FNDC3B: variants seen among roughly 807,000 people sequenced by gnomAD.
The protein encoded by FNDC3B is fibronectin type III domain containing 3B, also known as fibronectin type III domain-containing protein 3B.
A neutral mutation model predicts 151.5 loss-of-function variants in FNDC3B; 12 were observed. The observed-to-expected ratio is 0.08, with a 90% confidence interval of 0.05 to 0.13. FNDC3B has a LOEUF of 0.13. Among genes scored for constraint, FNDC3B ranks in the 10% least tolerant of loss-of-function variants. The pLI, the probability that FNDC3B is intolerant of heterozygous loss-of-function variation, is 1.00. For missense variants in FNDC3B, 1,214 were observed against 1,505.3 expected (o/e 0.81, Z 3.20); for synonymous variants, 528 against 549.0 (o/e 0.96, Z 0.54).
intron 1 of FNDC3B, among the ~76,000 whole-genome samples, chr3:172,048,777 A>G (rs2108455147): frequency 6.6e-6 from 1 of 152,354 alleles, no homozygotes; most frequent in Admixed American, 6.5e-5. Flanking sequence ...TTATTCAGCC[A>G]TAAAAAAGAA....
intron 25 of FNDC3B, among the ~76,000 whole-genome samples, chr3:172,392,801 TTTTTTTTTC>T (rs1345137060): frequency 3.9e-4 from 22 of 55,740 alleles, no homozygotes; most frequent in East Asian, 1.3e-3. Context: ...ATTTTTTCTT[TTTTTTTTTC>T]TTTTTTTTTT....
At chr3:172,331,174 A>AAC (rs759940808) in intron 13 of FNDC3B, among the ~76,000 whole-genome samples, 1 of 152,130 alleles carries the variant, frequency 6.6e-6, no homozygotes, top group Non-Finnish European at 1.5e-5. Flanking sequence ...ATCTTGTAAA[A>AAC]TACAAATAGA....
intron 20 of FNDC3B, among the ~76,000 whole-genome samples, chr3:172,346,706 A>G (rs1388477595): frequency 2.6e-5 from 4 of 151,766 alleles, no homozygotes; most frequent in Non-Finnish European, 4.4e-5. Context: ...TATTTTACTT[A>G]TTTTATTTTT....
At chr3:172,127,954 G>A (rs959270604) in intron 2 of FNDC3B, among the ~76,000 whole-genome samples, 1 of 152,172 alleles carries the variant, frequency 6.6e-6, no homozygotes, top group Admixed American at 6.5e-5. Context: ...CACCACACCC[G>A]GCCGAGGATA....
chr3:172,045,891 TA>T (rs1410867074), intron 1 of FNDC3B, among the ~76,000 whole-genome samples: 3 of 151,944 alleles, frequency 2.0e-5, no homozygotes, highest in African/African-American at 7.3e-5. Flanking sequence ...TGTGGCTAGA[TA>T]GGGGCAGGTA....
chr3:172,304,742 C>T lies in FNDC3B; in HGVS notation c.1062-2621C>T, dbSNP rs565130386. 3.4e-3 allele frequency among the ~76,000 whole-genome samples: 512 copies of T among 152,196 alleles called. 1 individual carries two copies. Among genetic ancestry groups the T allele is most frequent in the African/African-American group, 0.011 (467 of 41,522 alleles). On this transcript the variant is annotated intron_variant, in intron 9 of 25. Coordinates refer to ENST00000415807, the MANE Select transcript of FNDC3B (RefSeq NM_022763.4). ...TGAAACCCCCATCTCTACAAAAATA[C>T]AAAAATCAGTCAGGCATGATGGCAA... is the stretch of plus-strand genomic sequence containing the variant.
intron 3 of FNDC3B, among the ~76,000 whole-genome samples, chr3:172,221,025 C>A (rs545655504): frequency 1.0e-3 from 156 of 152,208 alleles, no homozygotes; most frequent in African/African-American, 3.5e-3. Context: ...AAATTTATCA[C>A]CAGGTATTTT....
At chr3:172,118,610 A>C in intron 2 of FNDC3B, among the ~76,000 whole-genome samples, 1 of 152,234 alleles carries the variant, frequency 6.6e-6, no homozygotes, top group South Asian at 2.1e-4. Flanking sequence ...TTTGTGGCAG[A>C]ATCCTGTTAT....
intron 3 of FNDC3B, among the ~76,000 whole-genome samples, chr3:172,143,278 G>T (rs1215302772): frequency 1.3e-5 from 2 of 152,178 alleles, no homozygotes; most frequent in Non-Finnish European, 2.9e-5. Flanking sequence ...GCATGAGTGT[G>T]TTTCCAAAAA....
At chr3:172,217,290 C>T (rs906548413) in intron 3 of FNDC3B, among the ~76,000 whole-genome samples, 4 of 152,224 alleles carry the variant, frequency 2.6e-5, no homozygotes, top group African/African-American at 9.7e-5. Flanking sequence ...TTAAAGCTTG[C>T]ATTTCTGTAG....
intron 23 of FNDC3B, among the ~76,000 whole-genome samples, chr3:172,370,181 C>A (rs575380792): frequency 1.3e-5 from 2 of 152,136 alleles, no homozygotes; most frequent in East Asian, 3.9e-4. Context: ...AATATAGAAA[C>A]GTTAGCATTA....
At chr3:172,360,472 G>A (rs1302550768) in intron 22 of FNDC3B, among the ~76,000 whole-genome samples, 1 of 151,828 alleles carries the variant, frequency 6.6e-6, no homozygotes, top group Non-Finnish European at 1.5e-5. Flanking sequence ...TTTCTTTTAT[G>A]TAAGATCATG....
intron 25 of FNDC3B, among the ~76,000 whole-genome samples, chr3:172,386,892 C>G (rs1236613944): frequency 6.6e-6 from 1 of 151,632 alleles, no homozygotes; most frequent in Non-Finnish European, 1.5e-5. Flanking sequence ...TGCATTGATT[C>G]TACATGGTAT....
At chr3:172,280,695 G>A (rs1296239916) in intron 6 of FNDC3B, among the ~76,000 whole-genome samples, 1 of 151,488 alleles carries the variant, frequency 6.6e-6, no homozygotes, top group Non-Finnish European at 1.5e-5. Context: ...TCTTTTCTAA[G>A]AAGGAAAAAA....
chr3:172,332,221 C>G (rs1200293090), intron 13 of FNDC3B, among the ~76,000 whole-genome samples: 1 of 152,200 alleles, frequency 6.6e-6, no homozygotes, highest in Non-Finnish European at 1.5e-5. Flanking sequence ...CTGCCCACCT[C>G]AGCCTCCCAA....
chr3:172,084,169 C>T (rs1030567567), intron 1 of FNDC3B, among the ~76,000 whole-genome samples: 3 of 152,102 alleles, frequency 2.0e-5, no homozygotes, highest in African/African-American at 4.8e-5. Context: ...GTATTCTGGG[C>T]TGGGTGCCGT....
In FNDC3B at chr3:172,280,218, A is replaced by G. The variant is rs1729639226; in HGVS notation, c.791-5708A>G. On this transcript the variant is annotated intron_variant, in intron 6 of 25. Coordinates refer to ENST00000415807, the MANE Select transcript of FNDC3B (RefSeq NM_022763.4). ...GCATGAGCTACCACATCCAGCCATC[A>G]ACACACATTCTTAATATTGTTTTCT... Among the ~76,000 whole-genome samples, 4 of 152,268 alleles carry G rather than the reference A, an allele frequency of 2.6e-5. No homozygotes were observed. The South Asian group carries it at 8.3e-4, about 32-fold the overall frequency.
At chr3:172,090,951 C>T (rs1257712057) in intron 1 of FNDC3B, among the ~76,000 whole-genome samples, 2 of 152,088 alleles carry the variant, frequency 1.3e-5, no homozygotes, top group Non-Finnish European at 2.9e-5. Context: ...GTATATGATA[C>T]TTTGTATTAT....
intron 11 of FNDC3B, among the ~76,000 whole-genome samples, chr3:172,317,577 C>T (rs899783338): frequency 6.6e-6 from 1 of 152,166 alleles, no homozygotes; most frequent in Non-Finnish European, 1.5e-5. Context: ...GGTAATTTAA[C>T]GCCTTAGCCT....
Sources: allele counts gnomAD v4.1 joint callset (sites outside exome capture counted in the v4.1 genomes callset), GRCh38; gene constraint gnomAD v4.1.1; transcripts MANE v1.5; gene names NCBI Gene and HGNC (gene_info 2026-07-23, HGNC 2026-07-21).